Variants in INPP5A observed in about 807,000 individuals in gnomAD.
INPP5A encodes 43 kDa inositol polyphosphate 5-phophatase.
In INPP5A, 14 loss-of-function variants were observed where a neutral mutation model predicts 65.2. The observed-to-expected ratio is 0.21, with a 90% confidence interval of 0.14 to 0.34. The LOEUF (loss-of-function observed/expected upper bound fraction) is 0.34. Ranked by LOEUF, INPP5A falls within the 10% of genes least tolerant of loss-of-function variation. The probability of loss-of-function intolerance (pLI) is 1.00; values close to 1 mark genes in which losing one functional copy is unlikely to be tolerated. For synonymous variants in INPP5A, 207 were observed against 208.3 expected (o/e 0.99, Z 0.05); for missense variants, 431 against 545.6 (o/e 0.79, Z 2.09).
Position 132,781,888 on chromosome 10 carries a change from C to G in INPP5A, c.1186C>G (p.Pro396Ala). Residue 396 changes from proline (P) to alanine (A), a missense_variant, in exon 15 of 16, where the codon CCC becomes GCC. Physicochemically the swap from Pro to Ala is conservative, Grantham distance 27 (BLOSUM62 -1). Transcript: ENST00000368594. ...CGTGTTCCTGGCCTTCCGAATCATG[C>G]CCGGGGCAGGTAAACCTCATGCCCA... ...KPVFLAFRIM[P>A]GAGKPHAHVH... The G allele has an allele frequency of 6.2e-7, 1 of 1,613,844 alleles. No individual in the cohort carries two copies. Among genetic ancestry groups the G allele is most frequent in the Non-Finnish European group, 8.5e-7 (1 of 1,179,964 alleles).
rs541365684 is a variant in INPP5A, at chr10:132,630,072, G to A, written c.118-15796G>A. Among the ~76,000 whole-genome samples, 610 of 152,240 alleles carry A rather than the reference G, an allele frequency of 4.0e-3. 2 individuals carry two copies. Among genetic ancestry groups the A allele is most frequent in the Non-Finnish European group, 6.2e-3 (420 of 67,998 alleles). Reference sequence around the variant, plus strand: ...GGAGGAGGGCGTCCTCGAGGATAGGGTACCCTCTAGGGAAAGACATCCTTC... The same window carrying A: ...GGAGGAGGGCGTCCTCGAGGATAGGATACCCTCTAGGGAAAGACATCCTTC... On this transcript the variant is annotated intron_variant, in intron 2 of 15. Coordinates refer to ENST00000368594, the MANE Select transcript of INPP5A (RefSeq NM_005539.5).
At chr10:132,617,004 T>A (rs2072043721) in intron 2 of INPP5A, among the ~76,000 whole-genome samples, 1 of 152,104 alleles carries the variant, frequency 6.6e-6, no homozygotes, top group African/African-American at 2.4e-5. Flanking sequence ...TGGGGTCAGA[T>A]GCAGGCCGCT....
At chr10:132,642,509 G>A (rs897657922) in intron 2 of INPP5A, among the ~76,000 whole-genome samples, 4 of 152,214 alleles carry the variant, frequency 2.6e-5, no homozygotes, top group Admixed American at 6.5e-5. Flanking sequence ...CTAGTTATCC[G>A]TGGGGTCGTT....
At position 132,782,247 on chromosome 10, in the gene INPP5A, T is replaced by C. The variant is rs546682539; in HGVS notation, c.*218T>C. On this transcript the variant is annotated 3_prime_UTR_variant, in exon 16 of 16. Coordinates refer to ENST00000368594, the MANE Select transcript of INPP5A (RefSeq NM_005539.5). This position sits in a 1 kb window ranked among gnomAD's most constrained non-coding sequence, Gnocchi z 4.4. Reference sequence around the variant, plus strand: ...GTCTATGTGACATTAAGTAGAAATATTGGTTTTTTTTTTTTTTTTTTAAAT... The same window carrying C: ...GTCTATGTGACATTAAGTAGAAATACTGGTTTTTTTTTTTTTTTTTTAAAT... 1,207 of 447,004 alleles carry C rather than the reference T, an allele frequency of 2.7e-3. 20 individuals are homozygous for C. Among genetic ancestry groups the C allele is most frequent in the African/African-American group, 0.026 (1,094 of 41,712 alleles). The allele number at this position is 447,004 out of a possible 1,614,324, so 27.7% of individuals were successfully genotyped here. A position where few individuals can be genotyped will look rare whatever the true frequency, so the allele number is the denominator to read the frequency against.
chr10:132,570,696 A>G (rs1246098394), intron 1 of INPP5A, among the ~76,000 whole-genome samples: 3 of 151,794 alleles, frequency 2.0e-5, no homozygotes, highest in Non-Finnish European at 4.4e-5. Flanking sequence ...ATTCCAGTGC[A>G]CCAACAATAA....
intron 8 of INPP5A, among the ~76,000 whole-genome samples, chr10:132,723,661 T>TGTGTGGGGATTGGCC (rs1314243602): frequency 1.0e-4 from 13 of 125,060 alleles, no homozygotes; most frequent in South Asian, 7.9e-4. Context: ...GGGGATTGGC[T>TGTGTGGGGATTGGCC]GTGTGGGGAT....
chr10:132,586,117 C>G (rs745317545), intron 1 of INPP5A, among the ~76,000 whole-genome samples: 1 of 152,112 alleles, frequency 6.6e-6, no homozygotes, highest in African/African-American at 2.4e-5. Context: ...CTCTGGAGAC[C>G]CGGGCAGAGA....
chr10:132,610,068 A>G (rs2071922319), intron 2 of INPP5A, among the ~76,000 whole-genome samples: 1 of 152,238 alleles, frequency 6.6e-6, no homozygotes, highest in South Asian at 2.1e-4. Context: ...CCTGACCCGC[A>G]GTTCCTGATG....
intron 2 of INPP5A, among the ~76,000 whole-genome samples, chr10:132,610,012 C>T (rs2133343744): frequency 6.6e-6 from 1 of 152,366 alleles, no homozygotes; most frequent in East Asian, 1.9e-4. Context: ...AAGCCAGCGG[C>T]AGCCCCGCAG....
At chr10:132,596,811 G>A (rs1173272647) in intron 1 of INPP5A, among the ~76,000 whole-genome samples, 1 of 151,564 alleles carries the variant, frequency 6.6e-6, no homozygotes, top group Non-Finnish European at 1.5e-5. Flanking sequence ...GCGCGTTTGT[G>A]TGTGTCCATG....
chr10:132,639,539 C>A (rs28896302), intron 2 of INPP5A, among the ~76,000 whole-genome samples: 1 of 152,102 alleles, frequency 6.6e-6, no homozygotes, highest in Non-Finnish European at 1.5e-5. Context: ...ATAGGAATTT[C>A]TTTGAATTTA....
At position 132,747,693 on chromosome 10, in the gene INPP5A, A is replaced by C. The variant is rs967429402; in HGVS notation, c.733-1824A>C. On this transcript the variant is annotated intron_variant, in intron 9 of 15. Transcript: ENST00000368594. ...TTTCAGGGAGAAATTTTTAAAGCCAAAGTTACTTTTGGTGCAGTCATCATT... is the reference window on the plus strand; with the variant it reads ...TTTCAGGGAGAAATTTTTAAAGCCACAGTTACTTTTGGTGCAGTCATCATT... Among the ~76,000 whole-genome samples the C allele has an allele frequency of 2.6e-5, 4 of 152,354 alleles. No individual in the cohort carries two copies. In the South Asian group the frequency reaches 8.3e-4, roughly 32 times the overall value.
At chr10:132,638,568 T>C (rs749087645) in intron 2 of INPP5A, among the ~76,000 whole-genome samples, 9 of 152,226 alleles carry the variant, frequency 5.9e-5, no homozygotes, top group Non-Finnish European at 1.0e-4. Context: ...ATTTTATTTA[T>C]TTATTTGTTT....
chr10:132,621,717 CTT>C (rs2072112575), intron 2 of INPP5A, among the ~76,000 whole-genome samples: 2 of 151,396 alleles, frequency 1.3e-5, no homozygotes, highest in African/African-American at 4.9e-5. Flanking sequence ...AGAGGGATGA[CTT>C]TGAGTTCTGT....
intron 9 of INPP5A, among the ~76,000 whole-genome samples, chr10:132,742,979 C>T (rs1337378100): frequency 6.6e-6 from 1 of 152,244 alleles, no homozygotes; most frequent in East Asian, 1.9e-4. Context: ...CTGCCCCGCG[C>T]CCCCTTTGTC....
chr10:132,708,571 C>T, intron 7 of INPP5A: 2 of 698,962 alleles, frequency 2.9e-6, no homozygotes, highest in Non-Finnish European at 5.4e-6. Context: ...GTAAGTCAGA[C>T]ATCTGGGTGC....
chr10:132,553,821 G>A (rs1170052178), intron 1 of INPP5A, among the ~76,000 whole-genome samples: 49 of 118,504 alleles, frequency 4.1e-4, no homozygotes, highest in South Asian at 6.4e-4. Context: ...TGGAATATTG[G>A]GTAGGATAGG....
rs55668291 is a variant in INPP5A, at chr10:132,628,463, C to CGGGGGGGGGGGGG, written c.118-17402_118-17390dup. 2.0e-3 allele frequency among the ~76,000 whole-genome samples: 46 copies of CGGGGGGGGGGGGG among 23,300 alleles called. 2 individuals are homozygous for CGGGGGGGGGGGGG. Among genetic ancestry groups the CGGGGGGGGGGGGG allele is most frequent in the Non-Finnish European group, 2.9e-3 (29 of 10,116 alleles). 15.3% of individuals were successfully genotyped at this position (23,300 alleles called of 152,430 possible). ...TCTCCCTCCAGATGTGCTCTGGTGG[C>CGGGGGGGGGGGGG]GGGGGGGGGGGGGGGCGTGGCGTGG... is the stretch of plus-strand genomic sequence containing the variant. On this transcript the variant is annotated intron_variant, in intron 2 of 15. Coordinates refer to ENST00000368594, the MANE Select transcript of INPP5A (RefSeq NM_005539.5).
chr10:132,685,214 C>T (rs1290177595), intron 4 of INPP5A, among the ~76,000 whole-genome samples: 3 of 152,248 alleles, frequency 2.0e-5, no homozygotes, highest in Non-Finnish European at 4.4e-5. Context: ...TCCCCTGGGC[C>T]GCGGGCCGTG....
Sources: allele counts gnomAD v4.1 joint callset (sites outside exome capture counted in the v4.1 genomes callset), GRCh38; gene constraint gnomAD v4.1.1; non-coding constraint Gnocchi (gnomAD v3.1); transcripts MANE v1.5; gene names NCBI Gene and HGNC (gene_info 2026-07-23, HGNC 2026-07-21).